MET: variants seen among roughly 807,000 people sequenced by gnomAD.
MET encodes the protein MET proto-oncogene, receptor tyrosine kinase, also known as hepatocyte growth factor receptor.
In MET, 48 loss-of-function variants were observed where a neutral mutation model predicts 133.1. The observed-to-expected ratio is 0.36, with a 90% confidence interval of 0.29 to 0.46. MET has a LOEUF of 0.46. Among genes scored for constraint, MET ranks in the 20% least tolerant of loss-of-function variants. The pLI is 1.00. For synonymous variants in MET, 628 were observed against 616.5 expected (o/e 1.02, Z -0.28); for missense variants, 1,442 against 1,695.9 (o/e 0.85, Z 2.63).
At chr7:116,765,286 CA>C (rs754418396) in intron 11 of MET, among the ~76,000 whole-genome samples, 493 of 31,896 alleles carry the variant, frequency 0.015, 2 homozygotes, top group African/African-American at 0.026. Flanking sequence ...GGAGACAGAG[CA>C]AAAAAAAAAA....
intron 3 of MET, among the ~76,000 whole-genome samples, chr7:116,734,881 C>T (rs1253413251): frequency 6.6e-6 from 1 of 152,176 alleles, no homozygotes; most frequent in African/African-American, 2.4e-5. Flanking sequence ...CAGGGATTGT[C>T]CACGTCTCCC....
intron 11 of MET, among the ~76,000 whole-genome samples, chr7:116,766,247 A>T (rs1794623650): frequency 6.6e-6 from 1 of 152,196 alleles, no homozygotes; most frequent in Non-Finnish European, 1.5e-5. Flanking sequence ...TTGGGGGTTT[A>T]TCTTATTCTG....
At chr7:116,738,947 G>A (rs561060423) in intron 3 of MET, among the ~76,000 whole-genome samples, 8 of 152,228 alleles carry the variant, frequency 5.3e-5, no homozygotes, top group Admixed American at 3.3e-4. Flanking sequence ...CATACCCATC[G>A]CGAGTAAATG....
chr7:116,771,443 A>G (rs2116990768), intron 12 of MET, 55 bp from the exon 13 acceptor site: 2 of 1,606,510 alleles, frequency 1.2e-6, no homozygotes, highest in Non-Finnish European at 1.7e-6. Flanking sequence ...CAACCTGTGT[A>G]GTACAAATAT....
chr7:116,788,266 C>G (rs75318810), intron 19 of MET, among the ~76,000 whole-genome samples: 5,109 of 152,094 alleles, frequency 0.034, 118 homozygotes, highest in Non-Finnish European at 0.053. Flanking sequence ...GATAGCTGCA[C>G]GTCTATATAA....
intron 5 of MET, among the ~76,000 whole-genome samples, chr7:116,742,806 G>C (rs2116849862): frequency 6.6e-6 from 1 of 152,346 alleles, no homozygotes; most frequent in Middle Eastern, 3.4e-3. Context: ...TGAGGCTTAA[G>C]CTGCAGTTAG....
intron 6 of MET, 102 bp downstream of exon 6, chr7:116,755,617 T>C (rs1471565340): frequency 7.0e-7 from 1 of 1,437,870 alleles, no homozygotes; most frequent in African/African-American, 1.4e-5. Context: ...ATCTCTTGAA[T>C]TAAAAAGGGT....
Position 116,757,423 on chromosome 7 carries a change from G to T in MET, c.1863-14G>T, listed in dbSNP as rs2116919450. 1 of 1,608,506 alleles carries T rather than the reference G, an allele frequency of 6.2e-7. No individual in the cohort carries two copies. The highest frequency in any genetic ancestry group is 8.5e-7 in the Non-Finnish European group (1 of 1,176,420). ...TGGATTTGTCATGTATTAAACTTTG[G>T]GTTTTTTTTCCAGATTGAAATGCAC... On this transcript the variant is annotated splice_polypyrimidine_tract_variant and intron_variant, in intron 6 of 20. Coordinates refer to ENST00000397752, the MANE Select transcript of MET (RefSeq NM_000245.4).
intron 1 of MET, among the ~76,000 whole-genome samples, chr7:116,695,570 C>A (rs958298442): frequency 6.6e-6 from 1 of 152,168 alleles, no homozygotes; most frequent in African/African-American, 2.4e-5. Flanking sequence ...GATTGTCTGA[C>A]TTCTGTTCTA....
chr7:116,731,136 G>T (rs998341570), intron 2 of MET, among the ~76,000 whole-genome samples: 2 of 152,182 alleles, frequency 1.3e-5, no homozygotes, highest in Non-Finnish European at 2.9e-5. Context: ...CATAAAGCAA[G>T]TAAGCATTAG....
chr7:116,678,196 T>G (rs1796227919), intron 1 of MET, among the ~76,000 whole-genome samples: 1 of 152,204 alleles, frequency 6.6e-6, no homozygotes, highest in South Asian at 2.1e-4. Flanking sequence ...AAAATCTCAG[T>G]GAAATGCCCA....
intron 19 of MET, among the ~76,000 whole-genome samples, chr7:116,785,206 A>T (rs1312286749): frequency 5.9e-5 from 9 of 152,232 alleles, no homozygotes; most frequent in Admixed American, 5.9e-4. Context: ...ATCGGCTGGC[A>T]TTGAGTGCCT....
Position 116,769,810 on chromosome 7 carries a change from T to C in MET, c.2730+19T>C, listed in dbSNP as rs1052339679. 6.2e-7 allele frequency: 1 copy of C among 1,613,444 alleles called. No homozygotes were observed. The highest frequency in any genetic ancestry group is 1.3e-5 in the African/African-American group (1 of 74,890). ...TATAGAGGTGGGATTCCTGCATTCC[T>C]CTCATGATGTAAATAAGGAAGCCAG... On this transcript the variant is annotated intron_variant, in intron 12 of 20. Coordinates refer to ENST00000397752, the MANE Select transcript of MET (RefSeq NM_000245.4).
intron 11 of MET, among the ~76,000 whole-genome samples, chr7:116,769,217 G>A (rs931557788): frequency 3.9e-5 from 6 of 152,118 alleles, no homozygotes; most frequent in African/African-American, 7.2e-5. Flanking sequence ...AAGTTTTCAC[G>A]GTGATTCCAA....
chr7:116,757,963 C>G, intron 8 of MET, 189 bp downstream of exon 8: 2 of 659,208 alleles, frequency 3.0e-6, no homozygotes, highest in East Asian at 5.6e-5. Flanking sequence ...TTCTTCCTTT[C>G]TCTTGTTTTT....
intron 1 of MET, among the ~76,000 whole-genome samples, chr7:116,685,067 T>C (rs762035743): frequency 7.9e-5 from 12 of 152,076 alleles, no homozygotes; most frequent in Non-Finnish European, 1.2e-4. Flanking sequence ...AGCACTGAGG[T>C]AGGATACAGA....
chr7:116,696,410 C>T (rs1796968194), intron 1 of MET, among the ~76,000 whole-genome samples: 1 of 152,150 alleles, frequency 6.6e-6, no homozygotes. Flanking sequence ...CTACTTTTTG[C>T]TTGTCTTCCC....
At chr7:116,693,000 A>G (rs965365559) in intron 1 of MET, among the ~76,000 whole-genome samples, 5 of 152,190 alleles carry the variant, frequency 3.3e-5, no homozygotes, top group South Asian at 2.1e-4. Context: ...CAGACACATC[A>G]TGGGGGAATA....
At chr7:116,737,950 C>G (rs1287311800) in intron 3 of MET, among the ~76,000 whole-genome samples, 3 of 152,004 alleles carry the variant, frequency 2.0e-5, no homozygotes, top group Non-Finnish European at 4.4e-5. Flanking sequence ...AAAAAGGGCT[C>G]TAGGAGGTGA....
Sources: allele counts gnomAD v4.1 joint callset (sites outside exome capture counted in the v4.1 genomes callset), GRCh38; gene constraint gnomAD v4.1.1; transcripts MANE v1.5; gene names NCBI Gene and HGNC (gene_info 2026-07-23, HGNC 2026-07-21).